GRIN3A: variants seen among roughly 807,000 people sequenced by gnomAD.
GRIN3A encodes the protein glutamate ionotropic receptor NMDA type subunit 3A, also known as glutamate receptor ionotropic, NMDA 3A.
Under a neutral mutation model 92.4 loss-of-function variants are expected in GRIN3A, and 47 were observed. The ratio of observed to expected loss-of-function variants is 0.51; its 90% CI spans 0.40 to 0.65. GRIN3A has a LOEUF of 0.65. Ranked by LOEUF, GRIN3A falls within the 30% of genes least tolerant of loss-of-function variation. The pLI, the probability that GRIN3A is intolerant of heterozygous loss-of-function variation, is 0.00. For missense variants in GRIN3A, 1,324 were observed against 1,393.1 expected (o/e 0.95, Z 0.79); for synonymous variants, 527 against 540.6 (o/e 0.97, Z 0.35).
At chr9:101,646,202 C>T (rs1248392286) in intron 3 of GRIN3A, among the ~76,000 whole-genome samples, 2 of 151,766 alleles carry the variant, frequency 1.3e-5, no homozygotes, top group African/African-American at 4.8e-5. Flanking sequence ...TTCATAGTTT[C>T]AGGTCTTATA....
rs1405786052 is a variant in GRIN3A, at chr9:101,570,311, G to GCTT, written c.*2860_*2862dup. 5.9e-5 allele frequency: 9 copies of GCTT among 152,528 alleles called. No homozygotes were observed. Among genetic ancestry groups the GCTT allele is most frequent in the African/African-American group, 2.2e-4 (9 of 41,492 alleles). The allele number at this position is 152,528 out of a possible 1,614,324, so 9.4% of individuals were successfully genotyped here. A position where few individuals can be genotyped will look rare whatever the true frequency, so the allele number is the denominator to read the frequency against. ...CCAGAATACCACCCTCTATCTGAAG[G>GCTT]CTTCTGATCTTTGTGTTTTTTTTGA... On this transcript the variant is annotated 3_prime_UTR_variant, in exon 9 of 9. Coordinates refer to ENST00000361820, the MANE Select transcript of GRIN3A (RefSeq NM_133445.3).
At chr9:101,641,081 G>C (rs1162373266) in intron 3 of GRIN3A, among the ~76,000 whole-genome samples, 1 of 152,040 alleles carries the variant, frequency 6.6e-6, no homozygotes, top group East Asian at 1.9e-4. Context: ...CTAAGCGTTG[G>C]ATGAATGAAT....
intron 1 of GRIN3A, among the ~76,000 whole-genome samples, chr9:101,736,712 T>C (rs1283179940): frequency 6.6e-6 from 1 of 152,200 alleles, no homozygotes; most frequent in Non-Finnish European, 1.5e-5. Context: ...GCTTCTGTAC[T>C]AGGTGCAGAT....
intron 1 of GRIN3A, among the ~76,000 whole-genome samples, chr9:101,717,316 A>G (rs1425559408): frequency 6.6e-6 from 1 of 152,190 alleles, no homozygotes; most frequent in Non-Finnish European, 1.5e-5. Context: ...CAAAAAACAA[A>G]AAACAAATGA....
chr9:101,665,021 T>A (rs1259415701), intron 3 of GRIN3A, among the ~76,000 whole-genome samples: 1 of 150,598 alleles, frequency 6.6e-6, no homozygotes, highest in African/African-American at 2.4e-5. Flanking sequence ...AAATATTTTA[T>A]AAGTGGTGTT....
At chr9:101,591,802 C>T (rs1477073908) in intron 6 of GRIN3A, 1 of 152,182 alleles carries the variant, frequency 6.6e-6, no homozygotes, top group Non-Finnish European at 1.5e-5. Context: ...AGTTCAAGGT[C>T]ATTGCCACAA....
chr9:101,644,579 T>C (rs1040901852), intron 3 of GRIN3A, among the ~76,000 whole-genome samples: 4 of 151,976 alleles, frequency 2.6e-5, no homozygotes, highest in Non-Finnish European at 2.9e-5. Context: ...ATGGAAATTA[T>C]GGAAAAACTT....
chr9:101,668,912 T>C (rs572427799), intron 3 of GRIN3A, among the ~76,000 whole-genome samples: 2 of 152,250 alleles, frequency 1.3e-5, no homozygotes, highest in Non-Finnish European at 2.9e-5. Flanking sequence ...GTCTATGAAA[T>C]TAATTTTAAA....
chr9:101,702,722 C>T (rs1453319129), intron 1 of GRIN3A, among the ~76,000 whole-genome samples: 1 of 152,152 alleles, frequency 6.6e-6, no homozygotes, highest in Non-Finnish European at 1.5e-5. Context: ...TGCTGTTAGG[C>T]ATCTGAAACT....
chr9:101,626,938 C>A (rs367792041), intron 4 of GRIN3A, among the ~76,000 whole-genome samples: 1 of 152,186 alleles, frequency 6.6e-6, no homozygotes, highest in East Asian at 1.9e-4. Context: ...GTGCTGGGCA[C>A]GTGGGCCTTC....
At position 101,670,812 on chromosome 9, in the gene GRIN3A, C is replaced by T; in HGVS notation, c.1600G>A (p.Glu534Lys). Residue 534 changes from glutamate to lysine, a missense_variant, in exon 3 of 9, where the codon GAA (glutamate) becomes AAA (lysine). Glu to Lys is a moderately conservative substitution (Grantham distance 56, BLOSUM62 1). Transcript: ENST00000361820. ...AGTTGGCCAGCAGGGCACAAGCCTT[C>T]ATCATCTACCTCCCTTGTGAAGACA... Reference protein sequence around the residue: ...PFVFTREVDDEGLCPAGQLCL... With the variant: ...PFVFTREVDDKGLCPAGQLCL... 1.2e-6 allele frequency: 2 copies of T among 1,614,066 alleles called. No individual in the cohort carries two copies. The highest frequency in any genetic ancestry group is 2.2e-5 in the East Asian group (1 of 44,856).
At chr9:101,627,898 C>T (rs1443276802) in intron 4 of GRIN3A, among the ~76,000 whole-genome samples, 2 of 152,158 alleles carry the variant, frequency 1.3e-5, no homozygotes, top group Non-Finnish European at 2.9e-5. Flanking sequence ...CCTTGGGACA[C>T]TTTATCCTCT....
At chr9:101,656,991 T>G (rs10819969) in intron 3 of GRIN3A, among the ~76,000 whole-genome samples, 1 of 151,740 alleles carries the variant, frequency 6.6e-6, no homozygotes, top group Non-Finnish European at 1.5e-5. Flanking sequence ...CCCCTTGTTC[T>G]CTATGTAAGC....
chr9:101,606,279 T>G (rs937690498), intron 6 of GRIN3A, among the ~76,000 whole-genome samples: 1 of 152,212 alleles, frequency 6.6e-6, no homozygotes, highest in African/African-American at 2.4e-5. Flanking sequence ...TTCTTCCTCC[T>G]GCTTTGTGCC....
At position 101,737,614 on chromosome 9, in the gene GRIN3A, C is replaced by T. The variant is rs1489427226; in HGVS notation, c.366G>A (p.Leu122=). 1.9e-6 allele frequency: 3 copies of T among 1,613,272 alleles called. No homozygotes were observed. The African/African-American group carries it at 4.0e-5, about 22-fold the overall frequency. The change falls in exon 1 of 9, where the codon CTG becomes CTA. Residue 122 remains leucine, a synonymous_variant. Transcript: ENST00000361820. ...KPGEGARAEA[L]WPRDALLFAV... ...CAAATAGGAGGGCGTCCCGTGGCCACAGGGCCTCCGCCCTGGCGCCCTCCC... is the reference window on the plus strand; with the variant it reads ...CAAATAGGAGGGCGTCCCGTGGCCATAGGGCCTCCGCCCTGGCGCCCTCCC...
chr9:101,663,972 T>C (rs1030580489), intron 3 of GRIN3A, among the ~76,000 whole-genome samples: 2 of 151,888 alleles, frequency 1.3e-5, no homozygotes, highest in African/African-American at 4.8e-5. Context: ...TGAGTGTTCA[T>C]GTATCCTTTC....
At chr9:101,658,009 C>G (rs528882325) in intron 3 of GRIN3A, among the ~76,000 whole-genome samples, 1 of 152,038 alleles carries the variant, frequency 6.6e-6, no homozygotes, top group East Asian at 1.9e-4. Flanking sequence ...CTTTTGCAGC[C>G]TAAGTCCAGA....
intron 1 of GRIN3A, among the ~76,000 whole-genome samples, chr9:101,724,596 A>G (rs1830061785): frequency 6.6e-6 from 1 of 152,132 alleles, no homozygotes; most frequent in Admixed American, 6.5e-5. Flanking sequence ...AAGTGCCGCC[A>G]AAGTGGGATC....
intron 8 of GRIN3A, among the ~76,000 whole-genome samples, chr9:101,575,522 C>T (rs774009553): frequency 4.6e-5 from 7 of 152,132 alleles, no homozygotes; most frequent in Non-Finnish European, 1.0e-4. Context: ...TGTGAAATCA[C>T]ATGTTGAATA....
Sources: gnomAD v4.1 joint callset for allele counts (sites outside exome capture counted in the v4.1 genomes callset) on GRCh38, gnomAD v4.1.1 for gene constraint, MANE v1.5 for transcripts, NCBI Gene and HGNC (gene_info 2026-07-23, HGNC 2026-07-21) for gene names.